CMPK1: variants seen among roughly 807,000 people sequenced by gnomAD.
CMPK1 encodes the protein UMP-CMP kinase.
In CMPK1, 10 loss-of-function variants were observed where a neutral mutation model predicts 25.7. The ratio of observed to expected loss-of-function variants is 0.39; its 90% confidence interval spans 0.24 to 0.66. CMPK1 has a LOEUF of 0.66. Ranked by LOEUF, CMPK1 falls within the 30% of genes least tolerant of loss-of-function variation. The pLI is 0.48. For missense variants in CMPK1, 199 were observed against 280.5 expected, an observed-to-expected ratio of 0.71 and a Z score of 2.08; for synonymous variants, 106 against 101.5, an observed-to-expected ratio of 1.04 and a Z score of -0.27.
At chr1:47,369,864 ATT>A (rs34739143) in intron 2 of CMPK1, among the ~76,000 whole-genome samples, 9 of 126,534 alleles carry the variant, frequency 7.1e-5, no homozygotes, top group South Asian at 2.5e-4. Flanking sequence ...CCGGCCCCCA[ATT>A]TTTTTTTTTT....
chr1:47,357,080 C>G (rs573054068), intron 1 of CMPK1, among the ~76,000 whole-genome samples: 1 of 151,600 alleles, frequency 6.6e-6, no homozygotes, highest in African/African-American at 2.4e-5. Context: ...TCTCCTGCCT[C>G]AGCCTCCTGA....
chr1:47,359,256 G>A (rs1646584475), intron 1 of CMPK1, among the ~76,000 whole-genome samples: 2 of 151,730 alleles, frequency 1.3e-5, no homozygotes, highest in African/African-American at 4.9e-5. Flanking sequence ...GGCAGAGCTT[G>A]CAGTGAGCCA....
At chr1:47,340,160 T>C (rs1646430645) in intron 1 of CMPK1, among the ~76,000 whole-genome samples, 1 of 151,340 alleles carries the variant, frequency 6.6e-6, no homozygotes, top group South Asian at 2.1e-4. Context: ...TGGCTCATTC[T>C]CACTGCAGCC....
In CMPK1 at chr1:47,372,968, C is replaced by T. The variant is rs1646686677; in HGVS notation, c.332C>T (p.Thr111Ile). The change falls in exon 3 of 6, where the codon ACA becomes ATA. Residue 111 changes from threonine to isoleucine, a missense_variant. Thr to Ile is a moderately conservative substitution (Grantham distance 89). This residue lies in a region of CMPK1 where 140 missense variants were observed against 235.5 expected (regional missense o/e 0.59). Transcript: ENST00000371873. Reference protein sequence around the residue: ...ISLLKREMDQTMAANAQKNKF... With the variant: ...ISLLKREMDQIMAANAQKNKF... Reference sequence around the variant, plus strand: ...TTTTTCCTTTAGGAAATGGATCAGACAATGGCTGCCAATGCTCAGAAGAAT... The same window carrying T: ...TTTTTCCTTTAGGAAATGGATCAGATAATGGCTGCCAATGCTCAGAAGAAT... The T allele has an allele frequency of 6.2e-7, 1 of 1,608,978 alleles. No individual in the cohort carries two copies.
chr1:47,340,445 A>G (rs1459134245), intron 1 of CMPK1, among the ~76,000 whole-genome samples: 1 of 152,094 alleles, frequency 6.6e-6, no homozygotes, highest in Non-Finnish European at 1.5e-5. Context: ...TGTCTTCCTC[A>G]GATTTCTCAT....
intron 5 of CMPK1, among the ~76,000 whole-genome samples, chr1:47,376,482 A>G (rs568107903): frequency 6.6e-6 from 1 of 151,920 alleles, no homozygotes; most frequent in East Asian, 1.9e-4. Flanking sequence ...CGCCTGGCTG[A>G]TTTTTGTATT....
chr1:47,367,316 C>G (rs964235975), intron 1 of CMPK1, among the ~76,000 whole-genome samples: 1 of 152,188 alleles, frequency 6.6e-6, no homozygotes, highest in African/African-American at 2.4e-5. Context: ...GACTACCTTA[C>G]CGTTAACTTA....
chr1:47,350,585 G>A (rs149730550), intron 1 of CMPK1, among the ~76,000 whole-genome samples: 4 of 152,140 alleles, frequency 2.6e-5, no homozygotes, highest in East Asian at 3.9e-4. Context: ...TAGAGTGTGC[G>A]TACATTATAG....
intron 1 of CMPK1, among the ~76,000 whole-genome samples, chr1:47,363,672 C>T (rs112889877): frequency 0.033 from 4,926 of 150,224 alleles, 255 homozygotes; most frequent in African/African-American, 0.11. Context: ...AAAACAGGCA[C>T]GGTGGCTCAC....
rs5773945 is a variant in CMPK1, at chr1:47,357,482, C to CTT, written c.172-10973_172-10972dup. On this transcript the variant is annotated intron_variant, in intron 1 of 5. Transcript: ENST00000371873. ...AACGTGATAATGGCATTAATGGATTCTTTTTTTTTTTTTTTCTTTTGAGAC... is the reference window on the plus strand; with the variant it reads ...AACGTGATAATGGCATTAATGGATTCTTTTTTTTTTTTTTTTTCTTTTGAGAC... Among the ~76,000 whole-genome samples the CTT allele has an allele frequency of 2.3e-3, 341 of 145,164 alleles. 8 individuals carry two copies. The highest frequency in any genetic ancestry group is 3.7e-3 in the Middle Eastern group (1 of 268).
chr1:47,352,193 T>C (rs1190681735), intron 1 of CMPK1, among the ~76,000 whole-genome samples: 1 of 152,186 alleles, frequency 6.6e-6, no homozygotes, highest in East Asian at 1.9e-4. Flanking sequence ...ATATATCTTC[T>C]TATCGAGCTG....
chr1:47,368,878 T>C (rs1231233079), intron 2 of CMPK1, among the ~76,000 whole-genome samples: 3 of 152,146 alleles, frequency 2.0e-5, no homozygotes, highest in Non-Finnish European at 4.4e-5. Flanking sequence ...GAAGGATTGC[T>C]TGACCCCAGA....
intron 1 of CMPK1, among the ~76,000 whole-genome samples, chr1:47,340,761 C>T (rs1325684268): frequency 1.3e-5 from 2 of 152,140 alleles, no homozygotes; most frequent in Admixed American, 6.6e-5. Flanking sequence ...CCTCAGCCTC[C>T]TGAGTAGTTG....
At chr1:47,355,008 G>A (rs899997491) in intron 1 of CMPK1, among the ~76,000 whole-genome samples, 1 of 151,324 alleles carries the variant, frequency 6.6e-6, no homozygotes, top group African/African-American at 2.4e-5. Flanking sequence ...ATGAACATTA[G>A]TTTTATAAAA....
rs191082067 is a variant in CMPK1, at chr1:47,337,954, T to C, written c.171+3838T>C. Among the ~76,000 whole-genome samples, 410 of 152,280 alleles carry C rather than the reference T, an allele frequency of 2.7e-3. 2 individuals are homozygous for C. The highest frequency in any genetic ancestry group is 9.4e-3 in the African/African-American group (392 of 41,570). On this transcript the variant is annotated intron_variant, in intron 1 of 5. Transcript: ENST00000371873. The stretch of plus-strand genomic sequence containing the variant: ...TGAAGTCAGCGGTATGTTGTTTTTT[T>C]CCTTTGTGAATCTCTTTATTTTGAC...
chr1:47,346,537 T>C (rs1268101150), intron 1 of CMPK1, among the ~76,000 whole-genome samples: 1 of 151,840 alleles, frequency 6.6e-6, no homozygotes, highest in East Asian at 1.9e-4. Context: ...GGAGTTTCAC[T>C]CTGGCGCCCA....
At chr1:47,363,090 G>A (rs1303668775) in intron 1 of CMPK1, among the ~76,000 whole-genome samples, 3 of 152,148 alleles carry the variant, frequency 2.0e-5, no homozygotes, top group Non-Finnish European at 4.4e-5. Flanking sequence ...TATTACAGAT[G>A]TTCCTCAACT....
rs1646687401 is a variant in CMPK1, at chr1:47,373,074, A to G, written c.438A>G (p.Val146=). ...AGACCATGGATGGGAAGGCAGATGT[A>G]TCTTTCGTTCTCTTTTTTGACTGTA... ...WNKTMDGKAD[V]SFVLFFDCNN... Residue 146 remains valine, a synonymous_variant, in exon 3 of 6, where the codon GTA becomes GTG. Transcript: ENST00000371873. The G allele has an allele frequency of 2.5e-6, 4 of 1,609,410 alleles. No individual in the cohort carries two copies. Among genetic ancestry groups the G allele is most frequent in the East Asian group, 2.2e-5 (1 of 44,686 alleles).
In CMPK1 at chr1:47,361,567, T is replaced by TA. The variant is rs564115050; in HGVS notation, c.172-6901dup. Among the ~76,000 whole-genome samples, 29 of 152,324 alleles carry TA rather than the reference T, an allele frequency of 1.9e-4. No homozygotes were observed. In the East Asian group the frequency reaches 3.3e-3, roughly 17 times the overall value. On this transcript the variant is annotated intron_variant, in intron 1 of 5. Transcript: ENST00000371873. Reference sequence around the variant, plus strand: ...GGCTGGTCCTCTGTCCAATCACAGTTACAGTGGTCTGGGTTGTAAATCAGA... The same window carrying TA: ...GGCTGGTCCTCTGTCCAATCACAGTTAACAGTGGTCTGGGTTGTAAATCAGA...
Sources: gnomAD v4.1 joint callset for allele counts (sites outside exome capture counted in the v4.1 genomes callset) on GRCh38, gnomAD v4.1.1 for gene constraint, gnomAD v4.1.1 regional missense constraint, MANE v1.5 for transcripts, NCBI Gene and HGNC (gene_info 2026-07-23, HGNC 2026-07-21) for gene names.